DQX1: variants seen among roughly 807,000 people sequenced by gnomAD.
The protein encoded by DQX1 is DEAQ-box RNA dependent ATPase 1.
DQX1 carries 66 observed loss-of-function variants against 81.3 expected under a neutral mutation model. That is an observed-to-expected ratio of 0.81 (90% CI 0.67 to 1.00). The LOEUF (loss-of-function observed/expected upper bound fraction) is 1.00. DQX1 is among the 50% of genes least tolerant of loss of function. The pLI is 0.00. For synonymous variants in DQX1, 290 were observed against 350.0 expected (o/e 0.83, Z 1.91); for missense variants, 798 against 867.9 (o/e 0.92, Z 1.01).
rs1675139693 is a variant in DQX1, at chr2:74,525,165, C to G, written c.275G>C (p.Gly92Ala). ...AACAGTAACCTGTCCTTTCTGGAAC[C>G]CTCTGGCCAGCGCAAACTCTGCACA... Reference protein sequence around the residue: ...QWCAEFALARGFQKGQVTVTQ... With the variant: ...QWCAEFALARAFQKGQVTVTQ... The change falls in exon 3 of 12, where the codon GGG (glycine) becomes GCG (alanine). Residue 92 changes from glycine to alanine, a missense_variant. By Grantham distance (60) the Gly-to-Ala change is moderately conservative. Coordinates refer to ENST00000404568, the MANE Select transcript of DQX1 (RefSeq NM_133637.3). This position sits in a 1 kb window ranked among gnomAD's most constrained non-coding sequence, Gnocchi z 4.1. 1 of 1,606,872 alleles carries G rather than the reference C, an allele frequency of 6.2e-7. No homozygotes were observed. Among genetic ancestry groups the G allele is most frequent in the Non-Finnish European group, 8.5e-7 (1 of 1,175,662 alleles).
At chr2:74,521,736 TCTCTCCCC>T (rs942621917) in intron 8 of DQX1, among the ~76,000 whole-genome samples, 7 of 147,260 alleles carry the variant, frequency 4.8e-5, no homozygotes, top group Non-Finnish European at 1.1e-4. Context: ...TCCCTCTCCC[TCTCTCCCC>T]CTCTCCCCCT....
chr2:74,520,125 C>G, intron 8 of DQX1, 91 bp from the exon 9 acceptor site: 2 of 1,507,966 alleles, frequency 1.3e-6, no homozygotes, highest in South Asian at 2.5e-5. Flanking sequence ...GCAGAAGTGT[C>G]CCTTTGGGAA....
At position 74,521,795 on chromosome 2, in the gene DQX1, C is replaced by G. The variant is rs185630506; in HGVS notation, c.1495+785G>C. Among the ~76,000 whole-genome samples the G allele has an allele frequency of 1.8e-4, 27 of 149,958 alleles. No homozygotes were observed. The East Asian group carries it at 5.0e-3, about 28-fold the overall frequency. ...TCTCCCCCTCTTTCCCTCTCCCTCTCTCCCCCTCTCCCCATGCGTCTCTCC... is the reference window on the plus strand; with the variant it reads ...TCTCCCCCTCTTTCCCTCTCCCTCTGTCCCCCTCTCCCCATGCGTCTCTCC... On this transcript the variant is annotated intron_variant, in intron 8 of 11. Transcript: ENST00000404568.
At chr2:74,523,573 CTCACGTTTTTTGGGG>C in intron 4 of DQX1, 36 bp from the exon 5 acceptor site, 1 of 1,593,608 alleles carries the variant, frequency 6.3e-7, no homozygotes, top group Non-Finnish European at 8.6e-7. Context: ...TAGGGCAGTT[CTCACGTTTTTTGGGG>C]TCACAGATCC....
chr2:74,522,706 C>T lies in DQX1; in HGVS notation c.1369G>A (p.Asp457Asn). 1.2e-6 allele frequency: 2 copies of T among 1,614,200 alleles called. No homozygotes were observed. The highest frequency in any genetic ancestry group is 1.7e-6 in the Non-Finnish European group (2 of 1,180,042). Residue 457 changes from aspartate to asparagine, a missense_variant, in exon 8 of 12, where the codon GAC (aspartate) becomes AAC (asparagine). Coordinates refer to ENST00000404568, the MANE Select transcript of DQX1 (RefSeq NM_133637.3). The stretch of plus-strand genomic sequence containing the variant: ...AGTATGACACCCAGATCTGACAGGT[C>T]CCCATCATCATCCAGGGCTGCCAGA... ...DYLAALDDDG[D>N]LSDLGVILSE...
chr2:74,521,855 G>A (rs1675038349), intron 8 of DQX1, among the ~76,000 whole-genome samples: 1 of 151,302 alleles, frequency 6.6e-6, no homozygotes, highest in Non-Finnish European at 1.5e-5. Flanking sequence ...TTCGAAGAAT[G>A]GTATTGGGTG....
rs769358016 is a variant in DQX1, at chr2:74,519,964, C to T, written c.1566G>A (p.Thr522=). 1.9e-5 allele frequency: 31 copies of T among 1,614,072 alleles called. No homozygotes were observed. Among genetic ancestry groups the T allele is most frequent in the Admixed American group, 1.2e-4 (7 of 60,006 alleles). Residue 522 remains threonine, a synonymous_variant, in exon 9 of 12, where the codon ACG becomes ACA. Transcript: ENST00000404568. Reference sequence around the variant, plus strand: ...GGATCAGAGAACTGTGGTCACCATCCGTGTGTTCCAGGGCCCGACGCAGGG... The same window carrying T: ...GGATCAGAGAACTGTGGTCACCATCTGTGTGTTCCAGGGCCCGACGCAGGG... ...EAALRRALEH[T]DGDHSSLIQV... is the part of the protein sequence containing the mutation.
chr2:74,523,259 T>C (rs1284397022), intron 5 of DQX1, 41 bp from the exon 6 acceptor site: 3 of 1,613,780 alleles, frequency 1.9e-6, no homozygotes, highest in East Asian at 4.5e-5. Flanking sequence ...CAGATCAGAG[T>C]GGGCCATTTC....
At position 74,522,633 on chromosome 2, in the gene DQX1, G is replaced by T. The variant is rs761600823; in HGVS notation, c.1442C>A (p.Ser481Ter). 6.2e-7 allele frequency: 1 copy of T among 1,614,108 alleles called. No homozygotes were observed. Among genetic ancestry groups the T allele is most frequent in the Admixed American group, 1.7e-5 (1 of 60,008 alleles). Residue 481 changes from serine (S) to a stop codon, truncating the protein, a stop_gained, in exon 8 of 12, where the codon TCA (serine) becomes TAA (stop). Transcript: ENST00000404568. LOFTEE classifies it high-confidence loss of function. ...APELAKALLASCEFDCVDEML... is the reference protein window; with the variant it reads ...APELAKALLA ...CTCGTCCACACAGTCAAACTCGCATGAGGCCAGCAGGGCTTTGGCCAGCTC... is the reference window on the plus strand; with the variant it reads ...CTCGTCCACACAGTCAAACTCGCATTAGGCCAGCAGGGCTTTGGCCAGCTC...
chr2:74,519,132 A>G lies in DQX1; in HGVS notation c.1905T>C (p.Ala635=), dbSNP rs770761723. Residue 635 remains alanine (A), a synonymous_variant, in exon 11 of 12, where the codon GCT becomes GCC. Transcript: ENST00000404568. ...GCACCCATGGTGGGGGTCTGGCAGG[A>G]GCTCTGCGGCTTCGGTAGCAGCAGT... ...SSYCCYRSRR[A]PARPPPWVLY... is the part of the protein sequence containing the mutation. 7 of 1,613,440 alleles carry G rather than the reference A, an allele frequency of 4.3e-6. No homozygotes were observed. The highest frequency in any genetic ancestry group is 5.9e-6 in the Non-Finnish European group (7 of 1,179,676).
At chr2:74,524,897 TA>T in intron 3 of DQX1, 111 bp downstream of exon 3, 3 of 1,319,774 alleles carry the variant, frequency 2.3e-6, no homozygotes, top group Non-Finnish European at 2.1e-6. Context: ...ATAAATAAAA[TA>T]AAAAAGAGTG....
intron 4 of DQX1, 193 bp from the exon 5 acceptor site, chr2:74,523,730 G>A: frequency 9.9e-7 from 1 of 1,009,322 alleles, no homozygotes; most frequent in South Asian, 1.7e-5. Flanking sequence ...AAAAAAGTGA[G>A]TGGTAAACCT....
chr2:74,525,614 A>T lies in DQX1; in HGVS notation c.116T>A (p.Leu39Gln), dbSNP rs1572987017. Residue 39 changes from leucine (L) to glutamine (Q), a missense_variant, in exon 2 of 12, where the codon CTG (leucine) becomes CAG (glutamine). Leu to Gln is a moderately radical substitution (Grantham distance 113). Coordinates refer to ENST00000404568, the MANE Select transcript of DQX1 (RefSeq NM_133637.3). This position sits in a 1 kb window ranked among gnomAD's most constrained non-coding sequence, Gnocchi z 4.1. ...LPFSSRYYEL[L>Q]KQRQALPIWA... ...GATGGGCAAGGCTTGGCGCTGCTTC[A>T]GCAGCTCATAGTAGCGGGAAGAGAA... 6.4e-7 allele frequency: 1 copy of T among 1,551,882 alleles called. No individual in the cohort carries two copies. Among genetic ancestry groups the T allele is most frequent in the East Asian group, 2.4e-5 (1 of 40,928 alleles).
rs200589573 is a variant in DQX1, at chr2:74,524,190, C to T, written c.549G>A (p.Gln183=). 3 of 1,614,132 alleles carry T rather than the reference C, an allele frequency of 1.9e-6. No homozygotes were observed. The East Asian group carries it at 6.7e-5, about 36-fold the overall frequency. The change falls in exon 4 of 12, where the codon CAG becomes CAA. Residue 183 remains glutamine, a synonymous_variant. Coordinates refer to ENST00000404568, the MANE Select transcript of DQX1 (RefSeq NM_133637.3). ...CCAGCCTGGCATCTTGCAGTAGCCCCTGGAGTGAATCTGATGCCACCGACC... is the reference window on the plus strand; with the variant it reads ...CCAGCCTGGCATCTTGCAGTAGCCCTTGGAGTGAATCTGATGCCACCGACC... ...QERSVASDSL[Q]GLLQDARLEK... is the part of the protein sequence containing the mutation.
intron 8 of DQX1, 108 bp downstream of exon 8, chr2:74,522,472 G>GGT: frequency 1.5e-6 from 2 of 1,330,708 alleles, no homozygotes; most frequent in South Asian, 2.9e-5. Context: ...CATTGTGAGG[G>GGT]GTGGCAACTG....
Position 74,519,544 on chromosome 2 carries a change from C to G in DQX1, c.1806+12G>C, listed in dbSNP as rs990228771. 6.2e-6 allele frequency: 10 copies of G among 1,613,320 alleles called. 1 individual carries two copies. The South Asian group carries it at 1.1e-4, about 18-fold the overall frequency. The stretch of plus-strand genomic sequence containing the variant: ...TCCTTTGATCACCCTCACCCCCACC[C>G]TTTCCTCTAACCTTGAGAAAGTATC... On this transcript the variant is annotated intron_variant, in intron 10 of 11. Transcript: ENST00000404568.
chr2:74,519,894 A>G, intron 9 of DQX1, 21 bp downstream of exon 9: 1 of 1,609,242 alleles, frequency 6.2e-7, no homozygotes, highest in Non-Finnish European at 8.5e-7. Flanking sequence ...CTGGGATTCT[A>G]TAAAAGGATG....
rs920626420 is a variant in DQX1, at chr2:74,518,475, C to G, written c.2125G>C (p.Glu709Gln). ...TGCAGGACACAGGGATCTCTGAACTCCTGGGCTGAGGATGATTTGCTCCCT... is the reference window on the plus strand; with the variant it reads ...TGCAGGACACAGGGATCTCTGAACTGCTGGGCTGAGGATGATTTGCTCCCT... ...TAGSKSSSAQ[E>Q]FRDPCVLQ The change falls in exon 12 of 12, where the codon GAG (glutamate) becomes CAG (glutamine). Residue 709 changes from glutamate to glutamine, a missense_variant. Transcript: ENST00000404568. 4 of 1,614,090 alleles carry G rather than the reference C, an allele frequency of 2.5e-6. No homozygotes were observed. Among genetic ancestry groups the G allele is most frequent in the Admixed American group, 1.7e-5 (1 of 60,004 alleles).
At position 74,525,559 on chromosome 2, in the gene DQX1, C is replaced by A; in HGVS notation, c.171G>T (p.Gln57His). Residue 57 changes from glutamine to histidine, a missense_variant, in exon 2 of 12, where the codon CAG (glutamine) becomes CAT (histidine). By Grantham distance (24) the Gln-to-His change is conservative. Coordinates refer to ENST00000404568, the MANE Select transcript of DQX1 (RefSeq NM_133637.3). This position sits in a 1 kb window ranked among gnomAD's most constrained non-coding sequence, Gnocchi z 4.1. ...CCACTCCAGTGGGGTTACTCTCCAACTGCTCCAAGAAGGTAAAGCGAGCAG... is the reference window on the plus strand; with the variant it reads ...CCACTCCAGTGGGGTTACTCTCCAAATGCTCCAAGAAGGTAAAGCGAGCAG... ...IWAARFTFLE[Q>H]LESNPTGVVL... 1 of 1,552,226 alleles carries A rather than the reference C, an allele frequency of 6.4e-7. No individual in the cohort carries two copies.
Sources: gnomAD v4.1 joint callset for allele counts (sites outside exome capture counted in the v4.1 genomes callset) on GRCh38, gnomAD v4.1.1 for gene constraint, Gnocchi (gnomAD v3.1) non-coding constraint, MANE v1.5 for transcripts, NCBI Gene and HGNC (gene_info 2026-07-23, HGNC 2026-07-21) for gene names.